The following LRCH1 variants were observed in gnomAD, a reference collection of about 807,000 sequenced individuals.
LRCH1 encodes leucine-rich repeat and calponin homology domain-containing protein 1.
LRCH1 carries 23 observed loss-of-function variants against 94.9 expected under a neutral mutation model. That is an observed-to-expected ratio of 0.24 (90% CI 0.17 to 0.34). The LOEUF (loss-of-function observed/expected upper bound fraction) is 0.34, where lower values mean the gene tolerates loss of function less well. Ranked by LOEUF, LRCH1 falls within the 10% of genes least tolerant of loss-of-function variation. LRCH1 has a pLI of 1.00. For missense variants in LRCH1, 790 were observed against 945.9 expected, an observed-to-expected ratio of 0.84 and a Z score of 2.16; for synonymous variants, 364 against 354.9, an observed-to-expected ratio of 1.03 and a Z score of -0.29.
chr13:46,556,916 T>C (rs1174369603), intron 1 of LRCH1, among the ~76,000 whole-genome samples: 1 of 152,234 alleles, frequency 6.6e-6, no homozygotes, highest in Non-Finnish European at 1.5e-5. Context: ...AGAATCCCTG[T>C]ATCCCTTCTT....
intron 3 of LRCH1, among the ~76,000 whole-genome samples, chr13:46,681,432 C>T (rs9567719): frequency 6.6e-6 from 1 of 151,892 alleles, no homozygotes; most frequent in African/African-American, 2.4e-5. Context: ...AGCAATATTG[C>T]CCAATGGGTT....
chr13:46,573,154 C>A lies in LRCH1; in HGVS notation c.307+19451C>A, dbSNP rs184626075. 2.2e-4 allele frequency among the ~76,000 whole-genome samples: 33 copies of A among 152,328 alleles called. No homozygotes were observed. The Middle Eastern group carries it at 0.01, about 47-fold the overall frequency. ...ATTCATTTGCTTCTTTATTGTCACT[C>A]TCTCTTTCCATCATTAAACGCTGAG... On this transcript the variant is annotated intron_variant, in intron 1 of 19. Coordinates refer to ENST00000389797, the MANE Select transcript of LRCH1 (RefSeq NM_001164211.2).
chr13:46,573,862 A>AT (rs1257313077), intron 1 of LRCH1, among the ~76,000 whole-genome samples: 6 of 72,284 alleles, frequency 8.3e-5, no homozygotes, highest in African/African-American at 3.6e-4. Flanking sequence ...ATATATATAT[A>AT]TATATTTTTT....
intron 19 of LRCH1, among the ~76,000 whole-genome samples, chr13:46,738,046 T>C (rs918609121): frequency 2.0e-5 from 3 of 152,212 alleles, no homozygotes; most frequent in African/African-American, 7.2e-5. Flanking sequence ...TTGCCTTCTT[T>C]AGATGAGGGG....
intron 1 of LRCH1, among the ~76,000 whole-genome samples, chr13:46,610,867 A>G (rs1482694504): frequency 6.6e-6 from 1 of 152,220 alleles, no homozygotes; most frequent in African/African-American, 2.4e-5. Context: ...ACTGCAGGGC[A>G]TTTAGGTAAG....
intron 1 of LRCH1, among the ~76,000 whole-genome samples, chr13:46,619,236 G>C (rs941035687): frequency 1.3e-5 from 2 of 151,832 alleles, no homozygotes; most frequent in African/African-American, 4.8e-5. Context: ...CAGCCTCCCT[G>C]AGTAGCTGGG....
At chr13:46,578,832 G>A (rs1594258017) in intron 1 of LRCH1, among the ~76,000 whole-genome samples, 1 of 152,142 alleles carries the variant, frequency 6.6e-6, no homozygotes, top group Admixed American at 6.5e-5. Context: ...TACAGGGTGT[G>A]TGGCCTTCAT....
intron 1 of LRCH1, among the ~76,000 whole-genome samples, chr13:46,597,340 C>G (rs932213759): frequency 2.0e-5 from 3 of 151,740 alleles, no homozygotes; most frequent in African/African-American, 7.3e-5. Flanking sequence ...AAATATAGGG[C>G]TAAAGAACTG....
intron 1 of LRCH1, among the ~76,000 whole-genome samples, chr13:46,573,897 C>G (rs1444596488): frequency 1.2e-5 from 1 of 82,882 alleles, no homozygotes; most frequent in Middle Eastern, 6.3e-3. Flanking sequence ...GAGTCTTACT[C>G]TATTCCCCAG....
At chr13:46,682,119 G>A (rs1456357924) in intron 4 of LRCH1, among the ~76,000 whole-genome samples, 1 of 152,042 alleles carries the variant, frequency 6.6e-6, no homozygotes, top group Non-Finnish European at 1.5e-5. Context: ...AGTTTGCTGG[G>A]GCTACTATAA....
rs1873722221 is a variant in LRCH1, at chr13:46,742,560, A to C, written c.*712A>C. The C allele has an allele frequency of 1.0e-6, 1 of 985,346 alleles. No individual in the cohort carries two copies. The highest frequency in any genetic ancestry group is 1.7e-5 in the African/African-American group (1 of 57,220). The allele number at this position is 985,346 out of a possible 1,614,324, so 61.0% of individuals were successfully genotyped here. ...GGGAAGGAAGTGTCGTTGCTGTTAG[A>C]GCCTCACGTGGAGGAGTCACTTAAA... On this transcript the variant is annotated 3_prime_UTR_variant, in exon 20 of 20. Coordinates refer to ENST00000389797, the MANE Select transcript of LRCH1 (RefSeq NM_001164211.2).
intron 1 of LRCH1, among the ~76,000 whole-genome samples, chr13:46,643,351 C>T (rs1038035788): frequency 2.0e-5 from 3 of 152,162 alleles, no homozygotes; most frequent in Non-Finnish European, 2.9e-5. Flanking sequence ...TAGGAATGCT[C>T]ATATCTCTCT....
chr13:46,725,729 T>C (rs1872782205), intron 17 of LRCH1, among the ~76,000 whole-genome samples: 1 of 152,140 alleles, frequency 6.6e-6, no homozygotes, highest in African/African-American at 2.4e-5. Flanking sequence ...CAAAAAAACC[T>C]CTTACCACCA....
chr13:46,730,114 A>G (rs1037638287), intron 18 of LRCH1, among the ~76,000 whole-genome samples: 86 of 152,326 alleles, frequency 5.6e-4, no homozygotes, highest in African/African-American at 1.9e-3. Context: ...ATACAAATAG[A>G]GAAAAAAGTA....
rs753917959 is a variant in LRCH1, at chr13:46,692,624, G to A, written c.1103G>A (p.Arg368His). The stretch of plus-strand genomic sequence containing the variant: ...ATCATCAAGGAGGACTCGTGCCATC[G>A]CCTTAGCCCCGTTAAAGGTCTGAGA... ...EQIIKEDSCH[R>H]LSPVKGEFHQ... Residue 368 changes from arginine to histidine, a missense_variant, in exon 8 of 20, where the codon CGC becomes CAC. By Grantham distance (29) the Arg-to-His change is conservative. Around this residue, in one of 3 missense-constraint regions of LRCH1, gnomAD observed 460 missense variants for 508.9 expected, o/e 0.90. Transcript: ENST00000389797. The A allele has an allele frequency of 5.6e-6, 9 of 1,613,626 alleles. No homozygotes were observed. The highest frequency in any genetic ancestry group is 2.7e-5 in the African/African-American group (2 of 75,044).
chr13:46,585,443 G>GCCACCACTATGCCTGTA (rs2050422436), intron 1 of LRCH1, among the ~76,000 whole-genome samples: 1 of 151,890 alleles, frequency 6.6e-6, no homozygotes, highest in African/African-American at 2.4e-5. Flanking sequence ...CAGGCATAGT[G>GCCACCACTATGCCTGTA]GTGGGCGCCT....
At chr13:46,691,544 G>A (rs1452328394) in intron 7 of LRCH1, among the ~76,000 whole-genome samples, 2 of 152,218 alleles carry the variant, frequency 1.3e-5, no homozygotes, top group South Asian at 2.1e-4. Context: ...TTACAGTTCT[G>A]CAGGCTGTAC....
rs529060468 is a variant in LRCH1, at chr13:46,715,543, C to T, written c.1655-17C>T. 47 of 1,484,662 alleles carry T rather than the reference C, an allele frequency of 3.2e-5. No individual in the cohort carries two copies. In the South Asian group the frequency reaches 3.7e-4, roughly 12 times the overall value. 92.0% of individuals were successfully genotyped at this position (1,484,662 alleles called of 1,614,324 possible). On this transcript the variant is annotated splice_polypyrimidine_tract_variant and intron_variant, in intron 15 of 19. Transcript: ENST00000389797. ...TTGTGCAACTGTACGCGGACTGGCT[C>T]TCTGGCTCCCCTGCAGACCCAGCCC...
intron 1 of LRCH1, among the ~76,000 whole-genome samples, chr13:46,625,859 C>T (rs921919339): frequency 1.3e-5 from 2 of 151,778 alleles, no homozygotes; most frequent in Non-Finnish European, 2.9e-5. Flanking sequence ...CCCCATGTTG[C>T]CCAGGTTAGT....
Sources: allele counts gnomAD v4.1 joint callset (sites outside exome capture counted in the v4.1 genomes callset), GRCh38; gene constraint gnomAD v4.1.1; regional missense constraint gnomAD v4.1.1; transcripts MANE v1.5; gene names NCBI Gene and HGNC (gene_info 2026-07-23, HGNC 2026-07-21).